The following ADAM12 variants were observed in gnomAD, a reference collection of about 807,000 sequenced individuals.
ADAM12 encodes ADAM metallopeptidase domain 12, also known as disintegrin and metalloproteinase domain-containing protein 12.
Under a neutral mutation model 106.4 loss-of-function variants are expected in ADAM12, and 70 were observed. That is an observed-to-expected ratio of 0.66 (90% confidence interval 0.54 to 0.80). The LOEUF (loss-of-function observed/expected upper bound fraction) is 0.80, where lower values mean the gene tolerates loss of function less well. Among genes scored for constraint, ADAM12 ranks in the 30% least tolerant of loss-of-function variants. ADAM12 has a pLI of 0.00. For synonymous variants in ADAM12, 420 were observed against 433.5 expected, an observed-to-expected ratio of 0.97 and a Z score of 0.39; for missense variants, 1,010 against 1,171.9, an observed-to-expected ratio of 0.86 and a Z score of 2.02.
At chr10:126,352,752 G>A (rs965234162) in intron 1 of ADAM12, among the ~76,000 whole-genome samples, 1 of 152,186 alleles carries the variant, frequency 6.6e-6, no homozygotes, top group Non-Finnish European at 1.5e-5. Flanking sequence ...GAAGGGCTGG[G>A]TGGGAAGTGA....
At chr10:126,040,366 G>T (rs905266495) in intron 18 of ADAM12, among the ~76,000 whole-genome samples, 1 of 152,182 alleles carries the variant, frequency 6.6e-6, no homozygotes, top group Non-Finnish European at 1.5e-5. Context: ...CCGGCTGCTG[G>T]TGATCGCCGT....
intron 18 of ADAM12, chr10:126,041,677 A>G: frequency 2.0e-6 from 2 of 996,290 alleles, no homozygotes; most frequent in Non-Finnish European, 2.4e-6. Flanking sequence ...GCTAAAAGCC[A>G]TATCAGAGCA....
intron 4 of ADAM12, among the ~76,000 whole-genome samples, chr10:126,151,165 T>C (rs1956722673): frequency 6.6e-6 from 1 of 152,138 alleles, no homozygotes; most frequent in Non-Finnish European, 1.5e-5. Context: ...GCTGAGTGAA[T>C]AGATGAAGAA....
chr10:126,115,947 C>T (rs1219251699), intron 6 of ADAM12, among the ~76,000 whole-genome samples: 1 of 152,190 alleles, frequency 6.6e-6, no homozygotes, highest in African/African-American at 2.4e-5. Flanking sequence ...CTTTCTCTTC[C>T]ATAAAAACCA....
intron 5 of ADAM12, among the ~76,000 whole-genome samples, chr10:126,125,634 T>C (rs1278312): frequency 0.65 from 98,799 of 151,488 alleles, 32,687 homozygotes; most frequent in East Asian, 0.77. Context: ...AAGATGAGAG[T>C]CCCCAGGTCA....
rs200917591 is a variant in ADAM12, at chr10:126,053,736, G to A, written c.1610-4067C>T. On this transcript the variant is annotated intron_variant, in intron 14 of 22. Coordinates refer to ENST00000448723, the MANE Select transcript of ADAM12 (RefSeq NM_001288973.2). The surrounding 1 kb of genome is among the most constrained non-coding windows in gnomAD (Gnocchi z 4.6). ...TTTATTTTTTTTGAGAGAGAGTTTC[G>A]CTCTTGTTGCCCAGGCTCGAGTGCA... Among the ~76,000 whole-genome samples, 22 of 151,838 alleles carry A rather than the reference G, an allele frequency of 1.4e-4. No individual in the cohort carries two copies. The highest frequency in any genetic ancestry group is 9.7e-4 in the East Asian group (5 of 5,162).
At chr10:126,045,549 G>A (rs1046433078) in intron 17 of ADAM12, among the ~76,000 whole-genome samples, 13 of 152,304 alleles carry the variant, frequency 8.5e-5, no homozygotes, top group African/African-American at 2.6e-4. Context: ...AATAAATTAT[G>A]TTTTCAGCAA....
intron 2 of ADAM12, among the ~76,000 whole-genome samples, chr10:126,300,758 C>T (rs1243907705): frequency 6.6e-6 from 1 of 152,046 alleles, no homozygotes; most frequent in Non-Finnish European, 1.5e-5. Flanking sequence ...TTAATGTAAC[C>T]TTTAAAACCC....
rs549955856 is a variant in ADAM12 at position 126,258,384 on chromosome 10, T to A, written c.260+20531A>T. ...CTCCACCTCACTCATCCCCACTGCC[T>A]CCGTGCCCCACACGCCCCACCCGTG... On this transcript the variant is annotated intron_variant, in intron 3 of 22. Coordinates refer to ENST00000448723, the MANE Select transcript of ADAM12 (RefSeq NM_001288973.2). Among the ~76,000 whole-genome samples, 41 of 151,886 alleles carry A rather than the reference T, an allele frequency of 2.7e-4. 1 individual carries two copies. Among genetic ancestry groups the A allele is most frequent in the Middle Eastern group, 3.4e-3 (1 of 292 alleles).
chr10:126,388,348 G>A lies in ADAM12; in HGVS notation c.-203C>T. The A allele has an allele frequency of 1.4e-6, 1 of 739,358 alleles. No individual in the cohort carries two copies. Among genetic ancestry groups the A allele is most frequent in the Non-Finnish European group, 1.8e-6 (1 of 557,252 alleles). The allele number at this position is 739,358 out of a possible 1,614,324, so 45.8% of individuals were successfully genotyped here. A position where few individuals can be genotyped will look rare whatever the true frequency, so the allele number is the denominator to read the frequency against. Reference sequence around the variant, plus strand: ...TTTAAAAAAGTTTCCCCCCGTGTGTGTGCGTGCGTGCGCGCGCGCGCGCCG... The same window carrying A: ...TTTAAAAAAGTTTCCCCCCGTGTGTATGCGTGCGTGCGCGCGCGCGCGCCG... On this transcript the variant is annotated 5_prime_UTR_variant, in exon 1 of 23. Transcript: ENST00000448723. This position sits in a 1 kb window ranked among gnomAD's most constrained non-coding sequence, Gnocchi z 4.4.
chr10:126,029,897 T>C (rs1403623127), intron 21 of ADAM12, among the ~76,000 whole-genome samples: 3 of 152,174 alleles, frequency 2.0e-5, no homozygotes, highest in Non-Finnish European at 4.4e-5. Flanking sequence ...AGCTGGATAA[T>C]AGAATAGCTG....
intron 3 of ADAM12, among the ~76,000 whole-genome samples, chr10:126,188,664 T>C (rs543418445): frequency 6.6e-6 from 1 of 152,236 alleles, no homozygotes; most frequent in Non-Finnish European, 1.5e-5. Flanking sequence ...TTTGATCCCA[T>C]GACATATCTT....
intron 3 of ADAM12, among the ~76,000 whole-genome samples, chr10:126,161,366 C>G (rs1259540214): frequency 6.6e-6 from 1 of 151,878 alleles, no homozygotes; most frequent in Non-Finnish European, 1.5e-5. Context: ...GTCAAATGAC[C>G]TGCCCAAGGT....
At position 126,063,504 on chromosome 10, in the gene ADAM12, G is replaced by A. The variant is rs531327915; in HGVS notation, c.1609+1302C>T. Among the ~76,000 whole-genome samples the A allele has an allele frequency of 1.5e-4, 23 of 152,276 alleles. No individual in the cohort carries two copies. The East Asian group carries it at 2.7e-3, about 18-fold the overall frequency. On this transcript the variant is annotated intron_variant, in intron 14 of 22. Coordinates refer to ENST00000448723, the MANE Select transcript of ADAM12 (RefSeq NM_001288973.2). ...CTAAAACCAAAGCCTCACAACAAAA[G>A]TCTGACAAAGGTCCTATCAGGTTTC... is the stretch of plus-strand genomic sequence containing the variant.
intron 8 of ADAM12, among the ~76,000 whole-genome samples, chr10:126,104,371 A>T (rs1955724187): frequency 6.6e-6 from 1 of 151,190 alleles, no homozygotes; most frequent in Non-Finnish European, 1.5e-5. Flanking sequence ...AATCGCTTGA[A>T]CCTGGGAGGT....
intron 3 of ADAM12, among the ~76,000 whole-genome samples, chr10:126,184,149 C>G (rs1957360770): frequency 6.6e-6 from 1 of 152,234 alleles, no homozygotes; most frequent in Non-Finnish European, 1.5e-5. Context: ...CCAAGAAGCA[C>G]TCAGCACCTT....
At chr10:126,118,671 G>A (rs1046092701) in intron 5 of ADAM12, among the ~76,000 whole-genome samples, 1 of 152,204 alleles carries the variant, frequency 6.6e-6, no homozygotes, top group African/African-American at 2.4e-5. Context: ...TGGATAAATT[G>A]TGTAATGGTG....
chr10:126,370,632 T>G (rs1268777889), intron 1 of ADAM12, among the ~76,000 whole-genome samples: 1 of 152,168 alleles, frequency 6.6e-6, no homozygotes, highest in African/African-American at 2.4e-5. Context: ...GACTCAAGTA[T>G]TGTTCTATCT....
At chr10:126,258,023 G>A (rs572011623) in intron 3 of ADAM12, among the ~76,000 whole-genome samples, 1 of 152,184 alleles carries the variant, frequency 6.6e-6, no homozygotes, top group East Asian at 1.9e-4. Flanking sequence ...AAGGATTTTT[G>A]GCCATTTTAT....
Sources: allele counts gnomAD v4.1 joint callset (sites outside exome capture counted in the v4.1 genomes callset), GRCh38; gene constraint gnomAD v4.1.1; non-coding constraint Gnocchi (gnomAD v3.1); transcripts MANE v1.5; gene names NCBI Gene and HGNC (gene_info 2026-07-23, HGNC 2026-07-21).